Variants in ETV6 observed in about 807,000 individuals in gnomAD.
The protein encoded by ETV6 is transcription factor ETV6.
Under a neutral mutation model 51.1 loss-of-function variants are expected in ETV6, and 16 were observed. That is an observed-to-expected ratio of 0.31 (90% CI 0.21 to 0.48). The LOEUF (loss-of-function observed/expected upper bound fraction) is 0.48. Among genes scored for constraint, ETV6 ranks in the 20% least tolerant of loss-of-function variants. The probability of loss-of-function intolerance (pLI) is 0.99; values close to 1 mark genes in which losing one functional copy is unlikely to be tolerated. For synonymous variants in ETV6, 240 were observed against 224.1 expected, an observed-to-expected ratio of 1.07 and a Z score of -0.64; for missense variants, 458 against 594.8, an observed-to-expected ratio of 0.77 and a Z score of 2.39.
chr12:11,667,463 G>C (rs187505966), intron 1 of ETV6, among the ~76,000 whole-genome samples: 1 of 151,966 alleles, frequency 6.6e-6, no homozygotes, highest in East Asian at 1.9e-4. Flanking sequence ...GAGACTATCC[G>C]CCATTTAGTT....
chr12:11,765,062 C>A (rs1161209932), intron 2 of ETV6, among the ~76,000 whole-genome samples: 1 of 152,172 alleles, frequency 6.6e-6, no homozygotes, highest in Non-Finnish European at 1.5e-5. Flanking sequence ...CCTTTGAGAT[C>A]TGACTGTGGT....
At chr12:11,807,609 A>T (rs1945848086) in intron 2 of ETV6, among the ~76,000 whole-genome samples, 2 of 152,234 alleles carry the variant, frequency 1.3e-5, no homozygotes, top group South Asian at 4.1e-4. Flanking sequence ...TCATAATAAA[A>T]TAATATGTAA....
intron 2 of ETV6, among the ~76,000 whole-genome samples, chr12:11,789,852 AT>A (rs200486113): frequency 6.6e-6 from 1 of 151,876 alleles, no homozygotes; most frequent in Non-Finnish European, 1.5e-5. Flanking sequence ...CCCTGGAAGC[AT>A]TTTTTTATTC....
intron 1 of ETV6, among the ~76,000 whole-genome samples, chr12:11,664,708 G>A (rs1864164138): frequency 6.6e-6 from 1 of 152,154 alleles, no homozygotes; most frequent in African/African-American, 2.4e-5. Context: ...GGGAGGGCAG[G>A]TGTGCCATCT....
intron 2 of ETV6, among the ~76,000 whole-genome samples, chr12:11,772,013 A>G (rs1443320373): frequency 6.6e-6 from 1 of 152,244 alleles, no homozygotes. Context: ...AGCCCTTAGT[A>G]TGATACATCA....
intron 3 of ETV6, among the ~76,000 whole-genome samples, chr12:11,841,318 C>A (rs1284867300): frequency 7.5e-6 from 1 of 132,854 alleles, no homozygotes; most frequent in African/African-American, 3.4e-5. Context: ...CAGTTAGAGG[C>A]AGGATTGCGT....
rs1946690626 is a variant in ETV6, at chr12:11,859,944, A to C, written c.463+6383A>C. 1.3e-5 allele frequency among the ~76,000 whole-genome samples: 2 copies of C among 152,144 alleles called. 1 individual carries two copies. The highest frequency in any genetic ancestry group is 4.1e-4 in the South Asian group (2 of 4,828). Reference sequence around the variant, plus strand: ...AAGTATGTCTAGTTCATAATATTAAAAACTCATGCTGAGTTGGACCGAATT... The same window carrying C: ...AAGTATGTCTAGTTCATAATATTAACAACTCATGCTGAGTTGGACCGAATT... On this transcript the variant is annotated intron_variant, in intron 4 of 7. Coordinates refer to ENST00000396373, the MANE Select transcript of ETV6 (RefSeq NM_001987.5).
At chr12:11,701,879 A>G (rs1446486623) in intron 1 of ETV6, among the ~76,000 whole-genome samples, 1 of 152,226 alleles carries the variant, frequency 6.6e-6, no homozygotes, top group Non-Finnish European at 1.5e-5. Flanking sequence ...TTCAAGGCAG[A>G]GAAGAAAAGG....
At position 11,784,862 on chromosome 12, in the gene ETV6, A is replaced by ATTTTTTTTTTTTTTTT. The variant is rs34004409; in HGVS notation, c.163+32292_163+32307dup. On this transcript the variant is annotated intron_variant, in intron 2 of 7. Transcript: ENST00000396373. ...CAAGTGTGCACCCCGTGCCTTGCTA[A>ATTTTTTTTTTTTTTTT]TTTTTTTTTTTTTTTTTTTTTTTTG... Among the ~76,000 whole-genome samples, 23 of 85,754 alleles carry ATTTTTTTTTTTTTTTT rather than the reference A, an allele frequency of 2.7e-4. 3 individuals carry two copies. The highest frequency in any genetic ancestry group is 1.0e-3 in the African/African-American group (21 of 21,008). The allele number at this position is 85,754 out of a possible 152,430, so 56.3% of individuals were successfully genotyped here.
intron 1 of ETV6, among the ~76,000 whole-genome samples, chr12:11,669,918 C>T (rs1289048563): frequency 4.6e-5 from 7 of 152,162 alleles, no homozygotes; most frequent in African/African-American, 1.7e-4. Context: ...CCCTGACCTG[C>T]AGGCCCTTCT....
intron 1 of ETV6, among the ~76,000 whole-genome samples, chr12:11,687,505 A>C (rs1864659320): frequency 6.6e-6 from 1 of 152,160 alleles, no homozygotes; most frequent in South Asian, 2.1e-4. Context: ...TCTTAATAAG[A>C]AAATGAGTAG....
chr12:11,872,360 C>T (rs1486368511), intron 5 of ETV6, among the ~76,000 whole-genome samples: 1 of 152,166 alleles, frequency 6.6e-6, no homozygotes, highest in African/African-American at 2.4e-5. Flanking sequence ...GGTGACACTG[C>T]CTTCACCACT....
intron 1 of ETV6, among the ~76,000 whole-genome samples, chr12:11,662,391 A>G (rs1164671611): frequency 6.6e-6 from 1 of 152,246 alleles, no homozygotes; most frequent in Non-Finnish European, 1.5e-5. Context: ...TCTGACAGTC[A>G]CTAGCCAGTT....
At chr12:11,664,303 T>C (rs1864155970) in intron 1 of ETV6, among the ~76,000 whole-genome samples, 1 of 152,236 alleles carries the variant, frequency 6.6e-6, no homozygotes, top group Non-Finnish European at 1.5e-5. Context: ...TTTGCTAGCC[T>C]GGCAGAGTCT....
At chr12:11,778,973 A>C (rs1945374263) in intron 2 of ETV6, among the ~76,000 whole-genome samples, 1 of 152,202 alleles carries the variant, frequency 6.6e-6, no homozygotes, top group African/African-American at 2.4e-5. Flanking sequence ...TTATCTCGCA[A>C]ACAACCAAAA....
At chr12:11,848,296 C>G (rs1160582517) in intron 3 of ETV6, among the ~76,000 whole-genome samples, 1 of 152,136 alleles carries the variant, frequency 6.6e-6, no homozygotes, top group African/African-American at 2.4e-5. Flanking sequence ...AATAGCTTCC[C>G]TAAGGGCATA....
rs559882959 is a variant in ETV6 at position 11,699,119 on chromosome 12, G to C, written c.33+48959G>C. Among the ~76,000 whole-genome samples, 127 of 152,266 alleles carry C rather than the reference G, an allele frequency of 8.3e-4. 1 individual carries two copies. The highest frequency in any genetic ancestry group is 2.9e-3 in the African/African-American group (120 of 41,552). ...ATATTGCAAAGGGATAATTGTAATA[G>C]GTTGCCCCTTTCAAAGTGCTTTAAT... On this transcript the variant is annotated intron_variant, in intron 1 of 7. Transcript: ENST00000396373.
rs6144615 is a variant in ETV6 at position 11,842,407 on chromosome 12, T to TACACAC, written c.328+3131_328+3136dup. On this transcript the variant is annotated intron_variant, in intron 3 of 7. Coordinates refer to ENST00000396373, the MANE Select transcript of ETV6 (RefSeq NM_001987.5). ...CCTCTGTCATGGCCCTTGACACAGA[T>TACACAC]ACACACACACACACACACACACACA... 7.6e-3 allele frequency among the ~76,000 whole-genome samples: 1,126 copies of TACACAC among 147,938 alleles called. 14 individuals are homozygous for TACACAC. The highest frequency in any genetic ancestry group is 0.025 in the African/African-American group (1,009 of 40,016).
At position 11,650,488 on chromosome 12, in the gene ETV6, AAAAAAAACAAAAAAC is replaced by A. The variant is rs1217633345; in HGVS notation, c.33+336_33+350del. 2.0e-3 allele frequency among the ~76,000 whole-genome samples: 130 copies of A among 64,686 alleles called. 8 individuals carry two copies. The highest frequency in any genetic ancestry group is 4.0e-3 in the Admixed American group (22 of 5,482). The allele number at this position is 64,686 out of a possible 152,430, so 42.4% of individuals were successfully genotyped here. A position where few individuals can be genotyped will look rare whatever the true frequency, so the allele number is the denominator to read the frequency against. ...CCCCGTAATTAGTGCGCTTAAAAAAAAAAAAAACAAAAAACAAAAAAAAAAAACCTGCTCCCTATT... is the reference window on the plus strand; with the variant it reads ...CCCCGTAATTAGTGCGCTTAAAAAAAAAAAAAAAAAAACCTGCTCCCTATT... On this transcript the variant is annotated intron_variant, in intron 1 of 7. Coordinates refer to ENST00000396373, the MANE Select transcript of ETV6 (RefSeq NM_001987.5).
Sources: gnomAD v4.1 joint callset for allele counts (sites outside exome capture counted in the v4.1 genomes callset) on GRCh38, gnomAD v4.1.1 for gene constraint, MANE v1.5 for transcripts, NCBI Gene and HGNC (gene_info 2026-07-23, HGNC 2026-07-21) for gene names.